The following ATRNL1 variants were observed in gnomAD, a reference collection of about 807,000 sequenced individuals.
ATRNL1 encodes attractin-like protein 1.
ATRNL1 carries 95 observed loss-of-function variants against 182.7 expected under a neutral mutation model. That is an observed-to-expected ratio of 0.52 (90% CI 0.44 to 0.62). The LOEUF (loss-of-function observed/expected upper bound fraction) is 0.62. Ranked by LOEUF, ATRNL1 falls within the 20% of genes least tolerant of loss-of-function variation. ATRNL1 has a pLI of 0.00. For synonymous variants in ATRNL1, 576 were observed against 568.3 expected (o/e 1.01, Z -0.19); for missense variants, 1,471 against 1,679.5 (o/e 0.88, Z 2.17).
intron 26 of ATRNL1, among the ~76,000 whole-genome samples, chr10:115,580,781 C>G (rs1427155231): frequency 6.6e-6 from 1 of 151,024 alleles, no homozygotes; most frequent in Non-Finnish European, 1.5e-5. Flanking sequence ...ATTATTTTTT[C>G]TACTTAGATT....
At chr10:115,842,825 A>G (rs1555097567) in intron 27 of ATRNL1, among the ~76,000 whole-genome samples, 1 of 151,976 alleles carries the variant, frequency 6.6e-6, no homozygotes, top group African/African-American at 2.4e-5. Flanking sequence ...CCCTGAGAAT[A>G]CAGTCTGACC....
intron 3 of ATRNL1, among the ~76,000 whole-genome samples, chr10:115,125,540 C>T (rs533207510): frequency 1.3e-4 from 20 of 150,404 alleles, no homozygotes; most frequent in African/African-American, 4.2e-4. Context: ...GTGTGTTGGA[C>T]GTTGTTGTTT....
At chr10:115,522,634 C>G (rs1851003311) in intron 25 of ATRNL1, among the ~76,000 whole-genome samples, 1 of 152,118 alleles carries the variant, frequency 6.6e-6, no homozygotes. Flanking sequence ...CATTTAATCC[C>G]AATACTTCCC....
intron 24 of ATRNL1, among the ~76,000 whole-genome samples, chr10:115,477,334 A>G (rs1160440706): frequency 6.6e-6 from 1 of 151,646 alleles, no homozygotes; most frequent in African/African-American, 2.4e-5. Context: ...ATAAATCATC[A>G]GGTTTTCAAT....
intron 27 of ATRNL1, among the ~76,000 whole-genome samples, chr10:115,808,941 C>CT (rs1404637161): frequency 1.3e-5 from 2 of 152,082 alleles, no homozygotes. Flanking sequence ...TTTTCTTATG[C>CT]TTCCTTCTAG....
chr10:115,891,942 C>G (rs926723538), intron 28 of ATRNL1, among the ~76,000 whole-genome samples: 1 of 152,198 alleles, frequency 6.6e-6, no homozygotes, highest in African/African-American at 2.4e-5. Flanking sequence ...ATGTGCAGTA[C>G]GGATGCTCAC....
chr10:115,390,835 A>ATGT (rs1318637318), intron 19 of ATRNL1, among the ~76,000 whole-genome samples: 4 of 152,124 alleles, frequency 2.6e-5, no homozygotes, highest in African/African-American at 7.2e-5. Flanking sequence ...TCTTTCCTTA[A>ATGT]TGTTTTGTGG....
At chr10:115,291,557 A>G (rs1224673968) in intron 15 of ATRNL1, among the ~76,000 whole-genome samples, 1 of 152,018 alleles carries the variant, frequency 6.6e-6, no homozygotes, top group Non-Finnish European at 1.5e-5. Context: ...ACCTAATTTA[A>G]GTTTTTATCT....
intron 10 of ATRNL1, among the ~76,000 whole-genome samples, chr10:115,259,012 A>C (rs973820192): frequency 2.6e-5 from 4 of 152,096 alleles, no homozygotes; most frequent in African/African-American, 9.7e-5. Flanking sequence ...CGGGGCAGCC[A>C]CCTGTATGAG....
At chr10:115,711,713 T>C (rs1375243105) in intron 26 of ATRNL1, among the ~76,000 whole-genome samples, 12 of 152,164 alleles carry the variant, frequency 7.9e-5, no homozygotes, top group Non-Finnish European at 1.2e-4. Flanking sequence ...ACAGGACATA[T>C]ATCAAATCAG....
intron 26 of ATRNL1, among the ~76,000 whole-genome samples, chr10:115,584,570 G>T (rs1267569692): frequency 8.0e-5 from 11 of 137,000 alleles, no homozygotes; most frequent in Non-Finnish European, 1.6e-4. Context: ...ATGGTAGTTT[G>T]TATTTCTCTG....
intron 19 of ATRNL1, among the ~76,000 whole-genome samples, chr10:115,376,744 T>C (rs1304711300): frequency 6.6e-6 from 1 of 152,198 alleles, no homozygotes. Flanking sequence ...TTTGGAAATC[T>C]GGATGTCTGT....
intron 8 of ATRNL1, among the ~76,000 whole-genome samples, chr10:115,205,283 C>T (rs1848753333): frequency 6.6e-6 from 1 of 151,666 alleles, no homozygotes; most frequent in Non-Finnish European, 1.5e-5. Flanking sequence ...AGGACTTTGC[C>T]TGTTTTTTTT....
chr10:115,411,406 T>C lies in ATRNL1; in HGVS notation c.3270-14844T>C, dbSNP rs78575123. 2.6e-3 allele frequency among the ~76,000 whole-genome samples: 393 copies of C among 152,086 alleles called. 7 individuals are homozygous for C. In the East Asian group the frequency reaches 0.041, roughly 16 times the overall value. ...TTAGCGTTTACATAAATGATAATCA[T>C]TATTTAGGTGACATTTAATGAGATT... On this transcript the variant is annotated intron_variant, in intron 20 of 28. Transcript: ENST00000355044.
intron 25 of ATRNL1, among the ~76,000 whole-genome samples, chr10:115,526,368 T>C (rs1770806859): frequency 6.6e-6 from 1 of 152,202 alleles, no homozygotes; most frequent in South Asian, 2.1e-4. Context: ...GGCTCTTTTA[T>C]TTAGCCAGTA....
intron 27 of ATRNL1, among the ~76,000 whole-genome samples, chr10:115,760,270 A>G (rs1343939188): frequency 6.6e-6 from 1 of 151,918 alleles, no homozygotes; most frequent in Non-Finnish European, 1.5e-5. Flanking sequence ...GTTAGTAGGG[A>G]AGAAGTTTAG....
chr10:115,320,557 G>A (rs11511444), intron 18 of ATRNL1, among the ~76,000 whole-genome samples: 58 of 151,878 alleles, frequency 3.8e-4, no homozygotes, highest in Non-Finnish European at 7.5e-4. Flanking sequence ...GTTTCTTTAC[G>A]AGGTCCCATA....
chr10:115,372,821 G>A (rs998911798), intron 19 of ATRNL1, among the ~76,000 whole-genome samples: 3 of 152,038 alleles, frequency 2.0e-5, no homozygotes, highest in African/African-American at 4.8e-5. Context: ...CTCCAGCTTC[G>A]TTCTTTTTGC....
At chr10:115,771,317 G>A (rs189137128) in intron 27 of ATRNL1, among the ~76,000 whole-genome samples, 2,803 of 149,324 alleles carry the variant, frequency 0.019, 37 homozygotes, top group South Asian at 0.024. Flanking sequence ...TGCAAGCTCC[G>A]CCTCCTGGGT....
Sources: gnomAD v4.1 joint callset for allele counts (sites outside exome capture counted in the v4.1 genomes callset) on GRCh38, gnomAD v4.1.1 for gene constraint, MANE v1.5 for transcripts, NCBI Gene and HGNC (gene_info 2026-07-23, HGNC 2026-07-21) for gene names.